DOCK4: variants seen among roughly 807,000 people sequenced by gnomAD.
The protein encoded by DOCK4 is dedicator of cytokinesis 4.
DOCK4 carries 97 observed loss-of-function variants against 268.1 expected under a neutral mutation model. The observed-to-expected ratio is 0.36, with a 90% CI of 0.31 to 0.43. The LOEUF is 0.43. Among genes scored for constraint, DOCK4 ranks in the 20% least tolerant of loss-of-function variants. The probability of loss-of-function intolerance (pLI) is 1.00; values close to 1 mark genes in which losing one functional copy is unlikely to be tolerated. For synonymous variants in DOCK4, 954 were observed against 887.2 expected, an observed-to-expected ratio of 1.08 and a Z score of -1.34; for missense variants, 2,145 against 2,455.7, an observed-to-expected ratio of 0.87 and a Z score of 2.67.
intron 1 of DOCK4, among the ~76,000 whole-genome samples, chr7:112,006,128 T>C (rs950439444): frequency 2.0e-5 from 3 of 152,196 alleles, no homozygotes; most frequent in Admixed American, 2.0e-4. Flanking sequence ...AAGCCTGGCA[T>C]TTTGACACAT....
intron 1 of DOCK4, among the ~76,000 whole-genome samples, chr7:112,085,469 G>A (rs1300553943): frequency 6.6e-6 from 1 of 152,152 alleles, no homozygotes; most frequent in East Asian, 1.9e-4. Context: ...ATTCATTACT[G>A]CCGGTTGCCA....
chr7:111,727,449 T>C lies in DOCK4; in HGVS notation c.*825A>G, dbSNP rs1013559909. 2.6e-5 allele frequency: 4 copies of C among 152,662 alleles called. No individual in the cohort carries two copies. Among genetic ancestry groups the C allele is most frequent in the Non-Finnish European group, 5.9e-5 (4 of 68,040 alleles). The allele number at this position is 152,662 out of a possible 1,614,324, so 9.5% of individuals were successfully genotyped here. A position where few individuals can be genotyped will look rare whatever the true frequency, so the allele number is the denominator to read the frequency against. ...ATGGGGCACAGTCATTTGTGCCTCA[T>C]TAATACTTCAGCATTTGCTCTTGTT... On this transcript the variant is annotated 3_prime_UTR_variant, in exon 53 of 53. Transcript: ENST00000428084.
intron 12 of DOCK4, among the ~76,000 whole-genome samples, chr7:111,921,788 A>T (rs944206529): frequency 8.5e-5 from 13 of 152,234 alleles, no homozygotes; most frequent in Non-Finnish European, 1.5e-4. Flanking sequence ...CTATCATTAT[A>T]TCTATCATTG....
At chr7:111,881,574 T>C (rs964696076) in intron 16 of DOCK4, among the ~76,000 whole-genome samples, 13 of 152,184 alleles carry the variant, frequency 8.5e-5, no homozygotes, top group Non-Finnish European at 1.8e-4. Flanking sequence ...CCCTACTGGA[T>C]ATATATTGAA....
intron 13 of DOCK4, among the ~76,000 whole-genome samples, chr7:111,912,859 T>C (rs1293933086): frequency 6.7e-6 from 1 of 148,430 alleles, no homozygotes; most frequent in Non-Finnish European, 1.5e-5. Flanking sequence ...GACTTTTTCT[T>C]TTTTTTTTGC....
intron 28 of DOCK4, among the ~76,000 whole-genome samples, chr7:111,810,261 G>A (rs1801000290): frequency 6.6e-6 from 1 of 151,966 alleles, no homozygotes; most frequent in Non-Finnish European, 1.5e-5. Context: ...AGACCAGCCT[G>A]GCCAATATGG....
intron 1 of DOCK4, among the ~76,000 whole-genome samples, chr7:112,130,635 G>C (rs958373954): frequency 6.6e-6 from 1 of 152,166 alleles, no homozygotes; most frequent in Non-Finnish European, 1.5e-5. Flanking sequence ...AGAGCAGGTT[G>C]AATCAGAAAA....
Position 111,735,018 on chromosome 7 carries a change from T to C in DOCK4, c.5419+36A>G, listed in dbSNP as rs190576418. On this transcript the variant is annotated intron_variant, in intron 51 of 52. Transcript: ENST00000428084. ...CTGGAGTAGTCAATAAAAGTTATTTTATAAAAGTGATCATTCAAATTCTTC... is the reference window on the plus strand; with the variant it reads ...CTGGAGTAGTCAATAAAAGTTATTTCATAAAAGTGATCATTCAAATTCTTC... The C allele has an allele frequency of 8.1e-6, 12 of 1,486,748 alleles. No homozygotes were observed. The African/African-American group carries it at 1.5e-4, about 19-fold the overall frequency. The allele number at this position is 1,486,748 out of a possible 1,614,324, so 92.1% of individuals were successfully genotyped here.
chr7:111,941,637 C>T (rs1157272353), intron 10 of DOCK4, among the ~76,000 whole-genome samples: 1 of 151,472 alleles, frequency 6.6e-6, no homozygotes, highest in East Asian at 1.9e-4. Context: ...GAAAGAAGCT[C>T]CTTATTAAAA....
intron 1 of DOCK4, among the ~76,000 whole-genome samples, chr7:112,117,905 C>A (rs909861933): frequency 2.0e-5 from 3 of 152,082 alleles, no homozygotes; most frequent in African/African-American, 4.8e-5. Flanking sequence ...CCTGGACATC[C>A]AAAGACATCA....
chr7:111,845,754 T>C (rs1200428532), intron 24 of DOCK4, among the ~76,000 whole-genome samples: 1 of 152,208 alleles, frequency 6.6e-6, no homozygotes, highest in Non-Finnish European at 1.5e-5. Context: ...CTGAATGTCT[T>C]ACAGAGCAGA....
intron 39 of DOCK4, among the ~76,000 whole-genome samples, chr7:111,762,771 T>C (rs1323449542): frequency 8.3e-6 from 1 of 120,222 alleles, no homozygotes. Flanking sequence ...TCTTTTTTTT[T>C]TTTTTTTTTT....
chr7:112,031,210 C>G (rs1803240473), intron 1 of DOCK4, among the ~76,000 whole-genome samples: 1 of 152,186 alleles, frequency 6.6e-6, no homozygotes. Flanking sequence ...GTTCAGACAC[C>G]TAGCAAATAA....
intron 1 of DOCK4, among the ~76,000 whole-genome samples, chr7:112,073,336 A>G (rs937367000): frequency 4.6e-5 from 7 of 152,104 alleles, no homozygotes; most frequent in African/African-American, 1.7e-4. Flanking sequence ...GAATACCTGC[A>G]TCCCCATGTT....
chr7:112,135,787 T>A (rs1814284724), intron 1 of DOCK4, among the ~76,000 whole-genome samples: 1 of 151,516 alleles, frequency 6.6e-6, no homozygotes, highest in African/African-American at 2.4e-5. Context: ...AAAAAAAAAT[T>A]GAACCAGTAC....
intron 11 of DOCK4, 47 bp downstream of exon 11, chr7:111,940,063 T>A (rs1232702936): frequency 3.1e-6 from 5 of 1,604,070 alleles, no homozygotes; most frequent in Non-Finnish European, 4.3e-6. Flanking sequence ...AGGACCCACA[T>A]GTACCCCTGT....
chr7:111,960,951 C>T (rs1395246662), intron 8 of DOCK4, among the ~76,000 whole-genome samples: 2 of 152,140 alleles, frequency 1.3e-5, no homozygotes, highest in African/African-American at 4.8e-5. Flanking sequence ...TATGTTGACT[C>T]CATATCTTAG....
At chr7:111,746,440 G>T (rs1402290150) in intron 43 of DOCK4, 23 bp from the exon 44 acceptor site, 3 of 1,521,966 alleles carry the variant, frequency 2.0e-6, no homozygotes, top group Non-Finnish European at 2.7e-6. Flanking sequence ...AGGAGAATCA[G>T]TCTACTTTAG....
At chr7:112,011,466 T>C (rs982228159) in intron 1 of DOCK4, among the ~76,000 whole-genome samples, 1 of 152,154 alleles carries the variant, frequency 6.6e-6, no homozygotes, top group Admixed American at 6.5e-5. Flanking sequence ...CTTAAGGATT[T>C]TGCTAAGTTT....
Sources: allele counts gnomAD v4.1 joint callset (sites outside exome capture counted in the v4.1 genomes callset), GRCh38; gene constraint gnomAD v4.1.1; transcripts MANE v1.5; gene names NCBI Gene and HGNC (gene_info 2026-07-23, HGNC 2026-07-21).